Variants in FABP1 observed in about 807,000 individuals in gnomAD.
FABP1 encodes the protein fatty acid-binding protein, liver.
In FABP1, 13 loss-of-function variants were observed where a neutral mutation model predicts 13.7. The ratio of observed to expected loss-of-function variants is 0.95; its 90% CI spans 0.62 to 1.51. The LOEUF (loss-of-function observed/expected upper bound fraction) is 1.51, where lower values mean the gene tolerates loss of function less well. FABP1 is among the 40% of genes most tolerant of loss of function. FABP1 has a pLI of 0.00. For missense variants in FABP1, 140 were observed against 155.7 expected (o/e 0.90, Z 0.54); for synonymous variants, 48 against 59.8 (o/e 0.80, Z 0.91).
At chr2:88,123,938 C>G (rs370323064) in intron 3 of FABP1, 1 of 152,554 alleles carries the variant, frequency 6.6e-6, no homozygotes, top group East Asian at 1.9e-4. Context: ...GATGCTCACA[C>G]TCTCTCTAGT....
At chr2:88,124,911 T>G (rs1675268716) in intron 2 of FABP1, among the ~76,000 whole-genome samples, 1 of 151,660 alleles carries the variant, frequency 6.6e-6, no homozygotes, top group African/African-American at 2.4e-5. Context: ...TGGAGGGAGG[T>G]AGTGGCAAAA....
intron 1 of FABP1, among the ~76,000 whole-genome samples, chr2:88,127,512 C>A (rs1675321020): frequency 6.6e-6 from 1 of 152,216 alleles, no homozygotes; most frequent in Non-Finnish European, 1.5e-5. Context: ...AGTCAGCGCT[C>A]CATACACCTG....
chr2:88,128,044 A>T lies in FABP1; in HGVS notation c.-27T>A, dbSNP rs976220823. 5.0e-6 allele frequency: 8 copies of T among 1,611,894 alleles called. No homozygotes were observed. The highest frequency in any genetic ancestry group is 6.8e-6 in the Non-Finnish European group (8 of 1,178,012). On this transcript the variant is annotated 5_prime_UTR_variant, in exon 1 of 4. Transcript: ENST00000295834. ...GTGGCAATAGAGCTCCCTCTTCACGACTGACCTGCGGCTCTGCCGACCAGA... is the reference window on the plus strand; with the variant it reads ...GTGGCAATAGAGCTCCCTCTTCACGTCTGACCTGCGGCTCTGCCGACCAGA...
chr2:88,125,403 A>G (rs535967634), intron 2 of FABP1, among the ~76,000 whole-genome samples: 60 of 152,320 alleles, frequency 3.9e-4, no homozygotes, highest in East Asian at 1.9e-3. Context: ...GCCCAGCCCA[A>G]TGAACAGAGC....
intron 2 of FABP1, among the ~76,000 whole-genome samples, chr2:88,125,501 C>T (rs1675279422): frequency 6.6e-6 from 1 of 152,172 alleles, no homozygotes; most frequent in Non-Finnish European, 1.5e-5. Context: ...CCAGGATCCC[C>T]CTGCCACCAT....
At chr2:88,123,300 T>A in intron 3 of FABP1, 196 bp from the exon 4 acceptor site, 1 of 568,208 alleles carries the variant, frequency 1.8e-6, no homozygotes, top group East Asian at 3.0e-5. Context: ...CTATGCCAAG[T>A]CTTTGTCACT....
chr2:88,126,070 A>C, intron 2 of FABP1, 106 bp downstream of exon 2: 2 of 1,245,074 alleles, frequency 1.6e-6, no homozygotes, highest in Non-Finnish European at 2.3e-6. Context: ...AGGTGGGTTC[A>C]GAGATGGTAT....
intron 1 of FABP1, 116 bp downstream of exon 1, chr2:88,127,835 T>C (rs1469462405): frequency 2.8e-6 from 3 of 1,062,294 alleles, no homozygotes; most frequent in Middle Eastern, 2.0e-4. Context: ...CTAGTTTGTG[T>C]ATATAGCCTG....
At chr2:88,127,693 C>T (rs747829822) in intron 1 of FABP1, among the ~76,000 whole-genome samples, 3 of 152,220 alleles carry the variant, frequency 2.0e-5, no homozygotes, top group Non-Finnish European at 2.9e-5. Context: ...TAGGATCACA[C>T]AACGAAGTGC....
chr2:88,123,000 T>C lies in FABP1; in HGVS notation c.*54A>G. 2.7e-6 allele frequency: 4 copies of C among 1,462,270 alleles called. 1 individual carries two copies. The South Asian group carries it at 4.9e-5, about 18-fold the overall frequency. The allele number at this position is 1,462,270 out of a possible 1,614,324, so 90.6% of individuals were successfully genotyped here. A position where few individuals can be genotyped will look rare whatever the true frequency, so the allele number is the denominator to read the frequency against. On this transcript the variant is annotated 3_prime_UTR_variant, in exon 4 of 4. Transcript: ENST00000295834. Reference sequence around the variant, plus strand: ...GAAGACATTTTTTTTTAAAACAAAGTTCACTTTATTACATTAATTTTACAC... The same window carrying C: ...GAAGACATTTTTTTTTAAAACAAAGCTCACTTTATTACATTAATTTTACAC...
intron 1 of FABP1, 129 bp downstream of exon 1, chr2:88,127,822 C>A: frequency 1.1e-6 from 1 of 935,626 alleles, no homozygotes; most frequent in East Asian, 2.4e-5. Context: ...AGTAAAATGC[C>A]CCCTAGTTTG....
At chr2:88,124,911 T>C (rs1675268716) in intron 2 of FABP1, among the ~76,000 whole-genome samples, 1 of 151,556 alleles carries the variant, frequency 6.6e-6, no homozygotes, top group African/African-American at 2.4e-5. Flanking sequence ...TGGAGGGAGG[T>C]AGTGGCAAAA....
chr2:88,123,489 C>A (rs1297429657), intron 3 of FABP1: 3 of 197,778 alleles, frequency 1.5e-5, no homozygotes, highest in Non-Finnish European at 3.1e-5. Context: ...CACAACTAGG[C>A]ACACAGCCTG....
In FABP1 at chr2:88,127,997, G is replaced by T; in HGVS notation, c.21C>A (p.Tyr7Ter). Reference sequence around the variant, plus strand: ...CAAAGTTTTCCTGGCTCTGCAGTTGGTACTTGCCGGAGAAACTCATGGTGG... The same window carrying T: ...CAAAGTTTTCCTGGCTCTGCAGTTGTTACTTGCCGGAGAAACTCATGGTGG... MSFSGK[Y>*]QLQSQENFEA... Residue 7 changes from tyrosine to a stop codon, truncating the protein, a stop_gained, in exon 1 of 4, where the codon TAC becomes TAA. Coordinates refer to ENST00000295834, the MANE Select transcript of FABP1 (RefSeq NM_001443.3). LOFTEE classifies it high-confidence loss of function. 2 of 1,614,146 alleles carry T rather than the reference G, an allele frequency of 1.2e-6. No individual in the cohort carries two copies. The highest frequency in any genetic ancestry group is 1.7e-6 in the Non-Finnish European group (2 of 1,180,016).
At chr2:88,123,335 C>G (rs1341596169) in intron 3 of FABP1, 4 of 534,730 alleles carry the variant, frequency 7.5e-6, no homozygotes, top group Non-Finnish European at 9.9e-6. Flanking sequence ...GGAAAGTCCT[C>G]CTGCCTTTGA....
In FABP1 at chr2:88,124,563, G is replaced by T. The variant is rs1218239788; in HGVS notation, c.264C>A (p.Asp88Glu). 6.2e-7 allele frequency: 1 copy of T among 1,611,214 alleles called. No homozygotes were observed. Among genetic ancestry groups the T allele is most frequent in the Non-Finnish European group, 8.5e-7 (1 of 1,178,722 alleles). Residue 88 changes from aspartate to glutamate, a missense_variant, in exon 3 of 4, where the codon GAC becomes GAA. Asp to Glu is a conservative substitution (Grantham distance 45). Transcript: ENST00000295834. ...KVKTVVQLEG[D>E]NKLVTTFKNI... ...TTTTGAAAGTTGTCACCAGTTTATT[G>T]TCACCTTCCAACTGAACCACTGTCT...
chr2:88,125,779 C>A (rs1404666883), intron 2 of FABP1: 2 of 159,166 alleles, frequency 1.3e-5, no homozygotes, highest in Non-Finnish European at 2.7e-5. Flanking sequence ...TCAGTGAAGG[C>A]CAGTTGACTT....
At chr2:88,127,888 T>G in intron 1 of FABP1, 63 bp downstream of exon 1, 1 of 1,535,778 alleles carries the variant, frequency 6.5e-7, no homozygotes, top group Non-Finnish European at 9.0e-7. Context: ...AAATAGCCAC[T>G]GCTGGTAGAG....
intron 1 of FABP1, among the ~76,000 whole-genome samples, chr2:88,127,054 T>C (rs1241777806): frequency 6.6e-6 from 1 of 151,996 alleles, no homozygotes; most frequent in East Asian, 1.9e-4. Flanking sequence ...GCACTGAAGG[T>C]CCTTCTCTCC....
Sources: allele counts gnomAD v4.1 joint callset (sites outside exome capture counted in the v4.1 genomes callset), GRCh38; gene constraint gnomAD v4.1.1; transcripts MANE v1.5; gene names NCBI Gene and HGNC (gene_info 2026-07-23, HGNC 2026-07-21).